ST6GAL2: variants seen among roughly 807,000 people sequenced by gnomAD.
ST6GAL2 encodes ST6 beta-galactoside alpha-2,6-sialyltransferase 2, also known as beta-galactoside alpha-2,6-sialyltransferase 2.
A neutral mutation model predicts 37.5 loss-of-function variants in ST6GAL2; 24 were observed. The ratio of observed to expected loss-of-function variants is 0.64; its 90% CI spans 0.46 to 0.90. ST6GAL2 has a LOEUF of 0.90. Among genes scored for constraint, ST6GAL2 ranks in the 40% least tolerant of loss-of-function variants. The probability of loss-of-function intolerance (pLI) is 0.00; values close to 1 mark genes in which losing one functional copy is unlikely to be tolerated. For synonymous variants in ST6GAL2, 306 were observed against 295.1 expected (o/e 1.04, Z -0.38); for missense variants, 715 against 712.7 (o/e 1.00, Z -0.04).
At chr2:106,872,988 T>C (rs1255832469) in intron 1 of ST6GAL2, among the ~76,000 whole-genome samples, 1 of 152,158 alleles carries the variant, frequency 6.6e-6, no homozygotes, top group Non-Finnish European at 1.5e-5. Flanking sequence ...GATTTTAGCC[T>C]TGCCTTTGGG....
intron 1 of ST6GAL2, among the ~76,000 whole-genome samples, chr2:106,854,700 A>T (rs1677503215): frequency 6.6e-6 from 1 of 152,178 alleles, no homozygotes; most frequent in South Asian, 2.1e-4. Flanking sequence ...TGTCTGACTC[A>T]AGCTAATAAG....
In ST6GAL2 at chr2:106,875,637, T is replaced by G. The variant is rs114386208; in HGVS notation, c.-58+10456A>C. ...ATATTTACATTCATTGTTTCCAAAT[T>G]GCAATGCAGAATTTCTGTATAAGAA... On this transcript the variant is annotated intron_variant, in intron 1 of 5. Coordinates refer to ENST00000409382, the MANE Select transcript of ST6GAL2 (RefSeq NM_001142351.2). Among the ~76,000 whole-genome samples the G allele has an allele frequency of 7.4e-3, 1,131 of 152,342 alleles. 15 individuals carry two copies. The highest frequency in any genetic ancestry group is 0.026 in the African/African-American group (1,063 of 41,572).
At chr2:106,851,698 T>G (rs1300514658) in intron 1 of ST6GAL2, among the ~76,000 whole-genome samples, 1 of 150,166 alleles carries the variant, frequency 6.7e-6, no homozygotes, top group East Asian at 2.0e-4. Flanking sequence ...ACATTTTGAT[T>G]GATGTGTCTG....
intron 2 of ST6GAL2, among the ~76,000 whole-genome samples, chr2:106,839,368 T>C (rs980018125): frequency 6.6e-6 from 1 of 152,126 alleles, no homozygotes; most frequent in African/African-American, 2.4e-5. Context: ...AGGAATCCGT[T>C]GTCATTTCTG....
Position 106,813,172 on chromosome 2 carries a change from G to A in ST6GAL2, c.1319-6223C>T, listed in dbSNP as rs533518070. Reference sequence around the variant, plus strand: ...CTGTCGTCCAGGCTGGAGTGCAGTCGCGTGATCTCGGCTCACTGCAAGCTC... The same window carrying A: ...CTGTCGTCCAGGCTGGAGTGCAGTCACGTGATCTCGGCTCACTGCAAGCTC... On this transcript the variant is annotated intron_variant, in intron 5 of 5. Coordinates refer to ENST00000409382, the MANE Select transcript of ST6GAL2 (RefSeq NM_001142351.2). 1.9e-5 allele frequency: 25 copies of A among 1,324,344 alleles called. No individual in the cohort carries two copies. The East Asian group carries it at 3.7e-4, about 20-fold the overall frequency. The allele number at this position is 1,324,344 out of a possible 1,614,324, so 82.0% of individuals were successfully genotyped here.
Position 106,845,429 on chromosome 2 carries a change from AAGTCGTT to A in ST6GAL2, c.-57-1402_-57-1396del, listed in dbSNP as rs148476542. Among the ~76,000 whole-genome samples, 170 of 152,270 alleles carry A rather than the reference AAGTCGTT, an allele frequency of 1.1e-3. No homozygotes were observed. The East Asian group carries it at 0.031, about 28-fold the overall frequency. On this transcript the variant is annotated intron_variant, in intron 1 of 5. Coordinates refer to ENST00000409382, the MANE Select transcript of ST6GAL2 (RefSeq NM_001142351.2). ...CAGGGAGGCAACACAGACTGCAAGG[AAGTCGTT>A]AGTAGAAATCAGATACTCAGAAAGT...
At chr2:106,849,295 C>T (rs1411366213) in intron 1 of ST6GAL2, among the ~76,000 whole-genome samples, 2 of 152,032 alleles carry the variant, frequency 1.3e-5, no homozygotes, top group African/African-American at 4.8e-5. Context: ...ACTGAATTTC[C>T]AGTCATGACT....
At chr2:106,863,107 T>C (rs1327648328) in intron 1 of ST6GAL2, among the ~76,000 whole-genome samples, 1 of 152,106 alleles carries the variant, frequency 6.6e-6, no homozygotes, top group Non-Finnish European at 1.5e-5. Flanking sequence ...GGACTCCAAA[T>C]TTCTTTCTAC....
chr2:106,852,359 G>A (rs910239540), intron 1 of ST6GAL2, among the ~76,000 whole-genome samples: 1 of 152,114 alleles, frequency 6.6e-6, no homozygotes, highest in African/African-American at 2.4e-5. Flanking sequence ...AATCCCACCT[G>A]CTAGGAAGGG....
intron 5 of ST6GAL2, among the ~76,000 whole-genome samples, chr2:106,807,631 C>CTTTT (rs10665727): frequency 2.2e-5 from 3 of 139,032 alleles, no homozygotes; most frequent in African/African-American, 5.3e-5. Context: ...ACATTTTATT[C>CTTTT]TTTTTTTTTT....
At position 106,805,906 on chromosome 2, in the gene ST6GAL2, CTA is replaced by C. The variant is rs1365035211; in HGVS notation, c.*770_*771del. 1.3e-5 allele frequency: 2 copies of C among 152,286 alleles called. No homozygotes were observed. Among genetic ancestry groups the C allele is most frequent in the African/African-American group, 4.8e-5 (2 of 41,446 alleles). 9.4% of individuals were successfully genotyped at this position (152,286 alleles called of 1,614,324 possible). A position where few individuals can be genotyped will look rare whatever the true frequency, so the allele number is the denominator to read the frequency against. On this transcript the variant is annotated 3_prime_UTR_variant, in exon 6 of 6. Transcript: ENST00000409382. ...CAGGGGCACCTGCAGCCCTGTGATT[CTA>C]TGTTACTTGCCAGTGATGTGCCTCC...
intron 5 of ST6GAL2, among the ~76,000 whole-genome samples, chr2:106,808,960 T>C (rs532092494): frequency 8.5e-5 from 13 of 152,220 alleles, no homozygotes; most frequent in South Asian, 6.2e-4. Flanking sequence ...TGAGCCAAGA[T>C]TGCACCACTG....
At chr2:106,845,970 T>C (rs1677127940) in intron 1 of ST6GAL2, among the ~76,000 whole-genome samples, 1 of 152,118 alleles carries the variant, frequency 6.6e-6, no homozygotes, top group Admixed American at 6.5e-5. Flanking sequence ...CCAGCATGCA[T>C]CGAGGAAGCC....
chr2:106,868,565 C>A (rs1300838768), intron 1 of ST6GAL2, among the ~76,000 whole-genome samples: 2 of 152,212 alleles, frequency 1.3e-5, no homozygotes, highest in Non-Finnish European at 2.9e-5. Context: ...GCAAAGATCG[C>A]TGCACCGGAA....
Position 106,843,214 on chromosome 2 carries a change from A to T in ST6GAL2, c.764T>A (p.Leu255Gln), listed in dbSNP as rs1410941664. The T allele has an allele frequency of 6.4e-7, 1 of 1,561,950 alleles. No individual in the cohort carries two copies. Among genetic ancestry groups the T allele is most frequent in the Admixed American group, 1.9e-5 (1 of 51,782 alleles). The stretch of plus-strand genomic sequence containing the variant: ...CGTCCGCACGCGCGCGCGGCTCCGC[A>T]GCTGGCACAGCAGCTGTGCCCTGCT... ...GLSRAQLLCQ[L>Q]RSRARVRTLD... Residue 255 changes from leucine to glutamine, a missense_variant, in exon 2 of 6, where the codon CTG (leucine) becomes CAG (glutamine). By Grantham distance (113) the Leu-to-Gln change is moderately radical. Around this residue, in one of 3 missense-constraint regions of ST6GAL2, gnomAD observed 512 missense variants for 488.8 expected, o/e 1.05. Transcript: ENST00000409382.
Position 106,844,036 on chromosome 2 carries a change from T to G in ST6GAL2, c.-57-2A>C. The G allele has an allele frequency of 7.1e-7, 1 of 1,416,730 alleles. No homozygotes were observed. Among genetic ancestry groups the G allele is most frequent in the South Asian group, 1.4e-5 (1 of 74,030 alleles). The allele number at this position is 1,416,730 out of a possible 1,614,324, so 87.8% of individuals were successfully genotyped here. On this transcript the variant is annotated splice_acceptor_variant, in intron 1 of 5. Transcript: ENST00000409382. LOFTEE classifies it low-confidence loss of function (5UTR_SPLICE). Reference sequence around the variant, plus strand: ...ATGCAGATGGGTGGCAGAATGAACCTGAAAAACAGCCAGATGGCAGTTAGC... The same window carrying G: ...ATGCAGATGGGTGGCAGAATGAACCGGAAAAACAGCCAGATGGCAGTTAGC...
At chr2:106,814,707 A>G (rs923233070) in intron 5 of ST6GAL2, among the ~76,000 whole-genome samples, 1 of 152,166 alleles carries the variant, frequency 6.6e-6, no homozygotes, top group African/African-American at 2.4e-5. Context: ...GCAGGTGGCA[A>G]ACCCATCCAG....
intron 1 of ST6GAL2, among the ~76,000 whole-genome samples, chr2:106,870,724 C>T (rs1047226663): frequency 6.6e-6 from 1 of 152,146 alleles, no homozygotes; most frequent in Non-Finnish European, 1.5e-5. Context: ...ATTAACATTC[C>T]GGAATACAGT....
chr2:106,814,393 T>C (rs1675721943), intron 5 of ST6GAL2, among the ~76,000 whole-genome samples: 1 of 152,182 alleles, frequency 6.6e-6, no homozygotes, highest in Non-Finnish European at 1.5e-5. Context: ...TTTAAGCCTA[T>C]TATTCTTGTG....
Sources: gnomAD v4.1 joint callset for allele counts (sites outside exome capture counted in the v4.1 genomes callset) on GRCh38, gnomAD v4.1.1 for gene constraint, gnomAD v4.1.1 regional missense constraint, MANE v1.5 for transcripts, NCBI Gene and HGNC (gene_info 2026-07-23, HGNC 2026-07-21) for gene names.